RCAN3: variants seen among roughly 807,000 people sequenced by gnomAD.
RCAN3 encodes the protein regulator of calcineurin 3.
In RCAN3, 19 loss-of-function variants were observed where a neutral mutation model predicts 21.9. That is an observed-to-expected ratio of 0.87 (90% CI 0.61 to 1.27). RCAN3 has a LOEUF of 1.27. Among genes scored for constraint, RCAN3 ranks in the 50% most tolerant of loss-of-function variants. The pLI, the probability that RCAN3 is intolerant of heterozygous loss-of-function variation, is 0.00. For missense variants in RCAN3, 240 were observed against 300.1 expected, an observed-to-expected ratio of 0.80 and a Z score of 1.48; for synonymous variants, 114 against 112.3, an observed-to-expected ratio of 1.01 and a Z score of -0.09.
rs1050141361 is a variant in RCAN3 at position 24,538,543 on chromosome 1, T to C, written c.*3266T>C. 3.3e-5 allele frequency: 5 copies of C among 149,926 alleles called. No individual in the cohort carries two copies. Among genetic ancestry groups the C allele is most frequent in the Non-Finnish European group, 7.4e-5 (5 of 67,642 alleles). 9.3% of individuals were successfully genotyped at this position (149,926 alleles called of 1,614,324 possible). A position where few individuals can be genotyped will look rare whatever the true frequency, so the allele number is the denominator to read the frequency against. ...CCTCAGCCTCCCAAGTAGCTGGGACTACAGGCGCCCGCTCCCACGCCCGGC... is the reference window on the plus strand; with the variant it reads ...CCTCAGCCTCCCAAGTAGCTGGGACCACAGGCGCCCGCTCCCACGCCCGGC... On this transcript the variant is annotated 3_prime_UTR_variant, in exon 5 of 5. Coordinates refer to ENST00000374395, the MANE Select transcript of RCAN3 (RefSeq NM_013441.4).
intron 2 of RCAN3, among the ~76,000 whole-genome samples, chr1:24,522,188 C>T (rs748707469): frequency 5.3e-5 from 8 of 152,148 alleles, no homozygotes; most frequent in Admixed American, 1.3e-4. Flanking sequence ...TATTTATACA[C>T]ACACATGTGT....
At position 24,540,366 on chromosome 1, in the gene RCAN3, T is replaced by C. The variant is rs553381537; in HGVS notation, c.*5089T>C. 2 of 152,430 alleles carry C rather than the reference T, an allele frequency of 1.3e-5. No individual in the cohort carries two copies. Among genetic ancestry groups the C allele is most frequent in the East Asian group, 1.9e-4 (1 of 5,192 alleles). 9.4% of individuals were successfully genotyped at this position (152,430 alleles called of 1,614,324 possible). A position where few individuals can be genotyped will look rare whatever the true frequency, so the allele number is the denominator to read the frequency against. ...GGATGTAAACCTATATATTTCCTTT[T>C]GAAACAGAATCATATCCTGCAGACT... On this transcript the variant is annotated 3_prime_UTR_variant, in exon 5 of 5. Transcript: ENST00000374395.
intron 2 of RCAN3, 37 bp from the exon 3 acceptor site, chr1:24,531,181 C>A: frequency 7.5e-7 from 1 of 1,336,918 alleles, no homozygotes; most frequent in Non-Finnish European, 9.9e-7. Flanking sequence ...TTTTTTTTTC[C>A]TCCCCTTCCC....
intron 1 of RCAN3, among the ~76,000 whole-genome samples, chr1:24,505,355 A>G (rs182717888): frequency 3.5e-5 from 5 of 144,418 alleles, no homozygotes; most frequent in African/African-American, 1.3e-4. Flanking sequence ...TCCTCCCACC[A>G]CAGCCTTCTG....
At chr1:24,509,392 C>T (rs1647708761) in intron 1 of RCAN3, among the ~76,000 whole-genome samples, 1 of 152,206 alleles carries the variant, frequency 6.6e-6, no homozygotes, top group African/African-American at 2.4e-5. Context: ...GCAGCCAATC[C>T]TCTAAACCCT....
chr1:24,522,591 T>C (rs1412016609), intron 2 of RCAN3, among the ~76,000 whole-genome samples: 1 of 152,196 alleles, frequency 6.6e-6, no homozygotes, highest in Non-Finnish European at 1.5e-5. Flanking sequence ...AGAATGGGCT[T>C]GCCCTCCTTC....
chr1:24,502,655 C>A (rs1269712801), upstream of RCAN3, among the ~76,000 whole-genome samples: 1 of 151,906 alleles, frequency 6.6e-6, no homozygotes, highest in Non-Finnish European at 1.5e-5. Context: ...AAAGCCCCCG[C>A]CCCAGCGCTA....
intron 1 of RCAN3, among the ~76,000 whole-genome samples, chr1:24,504,891 G>A (rs1445251101): frequency 1.3e-5 from 2 of 152,282 alleles, no homozygotes; most frequent in South Asian, 2.1e-4. Flanking sequence ...CATATGTTTT[G>A]TAGGCTGGTT....
chr1:24,520,474 T>G (rs1457389731), intron 2 of RCAN3, among the ~76,000 whole-genome samples: 1 of 152,132 alleles, frequency 6.6e-6, no homozygotes, highest in Non-Finnish European at 1.5e-5. Flanking sequence ...AAGATGTCAG[T>G]ACATACACCG....
rs1273226498 is a variant in RCAN3 at position 24,525,789 on chromosome 1, C to CT, written c.196-5426dup. 6.6e-6 allele frequency among the ~76,000 whole-genome samples: 1 copy of CT among 152,148 alleles called. No individual in the cohort carries two copies. The highest frequency in any genetic ancestry group is 1.9e-4 in the East Asian group (1 of 5,194). On this transcript the variant is annotated intron_variant, in intron 2 of 4. Transcript: ENST00000374395. The surrounding 1 kb of genome is among the most constrained non-coding windows in gnomAD (Gnocchi z 4.1). ...CTGCCGTCTGCAATCTTCTAAATCCCTTTCGTGCTAATGCCGGGTTATCAG... is the reference window on the plus strand; with the variant it reads ...CTGCCGTCTGCAATCTTCTAAATCCCTTTTCGTGCTAATGCCGGGTTATCAG...
chr1:24,510,264 G>A (rs1355510973), intron 1 of RCAN3, among the ~76,000 whole-genome samples: 1 of 152,208 alleles, frequency 6.6e-6, no homozygotes, highest in Non-Finnish European at 1.5e-5. Context: ...GAGTCAGCCT[G>A]TCCTTCGAAG....
At chr1:24,504,429 A>G (rs1647289091) in intron 1 of RCAN3, among the ~76,000 whole-genome samples, 1 of 151,660 alleles carries the variant, frequency 6.6e-6, no homozygotes, top group Non-Finnish European at 1.5e-5. Flanking sequence ...CTGCCTCCCA[A>G]AGTGCTGAGA....
chr1:24,517,084 GTTTT>G (rs11372088), intron 2 of RCAN3, among the ~76,000 whole-genome samples: 2 of 146,864 alleles, frequency 1.4e-5, no homozygotes, highest in African/African-American at 5.0e-5. Flanking sequence ...CTATTTTTTT[GTTTT>G]TTTTTGTTTT....
At chr1:24,515,421 AAGAG>A (rs759193315) in intron 2 of RCAN3, among the ~76,000 whole-genome samples, 14 of 125,646 alleles carry the variant, frequency 1.1e-4, no homozygotes, top group Admixed American at 2.3e-4. Context: ...TTTACCTAGA[AAGAG>A]AGGTGTGTGT....
In RCAN3 at chr1:24,538,343, A is replaced by C. The variant is rs994527312; in HGVS notation, c.*3066A>C. ...TAATTAAGAGCCAAAGCAAAGCTTC[A>C]AGGAACTTTTAAGTTCAACATAAAG... is the stretch of plus-strand genomic sequence containing the variant. On this transcript the variant is annotated 3_prime_UTR_variant, in exon 5 of 5. Coordinates refer to ENST00000374395, the MANE Select transcript of RCAN3 (RefSeq NM_013441.4). 1 of 152,190 alleles carries C rather than the reference A, an allele frequency of 6.6e-6. No individual in the cohort carries two copies. The highest frequency in any genetic ancestry group is 2.4e-5 in the African/African-American group (1 of 41,462). 9.4% of individuals were successfully genotyped at this position (152,190 alleles called of 1,614,324 possible).
At position 24,535,094 on chromosome 1, in the gene RCAN3, A is replaced by T; in HGVS notation, c.543A>T (p.Gly181=). 6.3e-7 allele frequency: 1 copy of T among 1,595,886 alleles called. No individual in the cohort carries two copies. Among genetic ancestry groups the T allele is most frequent in the Non-Finnish European group, 8.5e-7 (1 of 1,173,844 alleles). The change falls in exon 5 of 5, where the codon GGA becomes GGT. Residue 181 remains glycine, a splice_region_variant and synonymous_variant. Coordinates refer to ENST00000374395, the MANE Select transcript of RCAN3 (RefSeq NM_013441.4). ...LLCAVSKLGP[G]EKYELHAGTE... ...TGGTTATTTTGTTTGCCTCTGCAGG[A>T]GAGAAATATGAACTTCACGCGGGAA...
intron 4 of RCAN3, among the ~76,000 whole-genome samples, chr1:24,534,792 C>CCAT (rs1263968837): frequency 4.6e-5 from 7 of 152,118 alleles, no homozygotes; most frequent in African/African-American, 1.7e-4. Flanking sequence ...GAGCGAGACT[C>CCAT]CATCTCAAAT....
At chr1:24,508,931 C>A (rs763687701) in intron 1 of RCAN3, among the ~76,000 whole-genome samples, 12 of 152,068 alleles carry the variant, frequency 7.9e-5, no homozygotes, top group Non-Finnish European at 1.8e-4. Flanking sequence ...GAGGCTGAGG[C>A]GAGTGGATCA....
In RCAN3 at chr1:24,540,024, C is replaced by A. The variant is rs1399778751; in HGVS notation, c.*4747C>A. 6 of 152,224 alleles carry A rather than the reference C, an allele frequency of 3.9e-5. No homozygotes were observed. Among genetic ancestry groups the A allele is most frequent in the Non-Finnish European group, 7.3e-5 (5 of 68,040 alleles). 9.4% of individuals were successfully genotyped at this position (152,224 alleles called of 1,614,324 possible). A position where few individuals can be genotyped will look rare whatever the true frequency, so the allele number is the denominator to read the frequency against. ...TAAAAGATTTATGAACCTTGTCCTA[C>A]AATTCGCTGAATACTTATTTGTCTT... is the stretch of plus-strand genomic sequence containing the variant. On this transcript the variant is annotated 3_prime_UTR_variant, in exon 5 of 5. Transcript: ENST00000374395.
Sources: allele counts gnomAD v4.1 joint callset (sites outside exome capture counted in the v4.1 genomes callset), GRCh38; gene constraint gnomAD v4.1.1; non-coding constraint Gnocchi (gnomAD v3.1); transcripts MANE v1.5; gene names NCBI Gene and HGNC (gene_info 2026-07-23, HGNC 2026-07-21).